TUBA8: variants seen among roughly 807,000 people sequenced by gnomAD.
The protein encoded by TUBA8 is tubulin alpha-8 chain.
A neutral mutation model predicts 34.7 loss-of-function variants in TUBA8; 29 were observed. That is an observed-to-expected ratio of 0.84 (90% CI 0.62 to 1.14). TUBA8 has a LOEUF of 1.14. Ranked by LOEUF, TUBA8 falls within the 50% of genes most tolerant of loss-of-function variation. The probability of loss-of-function intolerance (pLI) is 0.00; values close to 1 mark genes in which losing one functional copy is unlikely to be tolerated. For synonymous variants in TUBA8, 226 were observed against 231.2 expected, an observed-to-expected ratio of 0.98 and a Z score of 0.21; for missense variants, 541 against 599.2, an observed-to-expected ratio of 0.90 and a Z score of 1.01.
chr22:18,130,799 C>A (rs761875168), intron 4 of TUBA8, 44 bp from the exon 5 acceptor site: 2 of 1,612,034 alleles, frequency 1.2e-6, no homozygotes, highest in Admixed American at 3.3e-5. Flanking sequence ...CTCTGGCTGA[C>A]TTGTATCTTC....
Position 18,126,885 on chromosome 22 carries a change from G to T in TUBA8, c.907G>T (p.Val303Leu). 6.2e-7 allele frequency: 1 copy of T among 1,611,844 alleles called. No individual in the cohort carries two copies. Among genetic ancestry groups the T allele is most frequent in the Non-Finnish European group, 8.5e-7 (1 of 1,178,702 alleles). ...CTGCTTTGAGCCCAACAGCCAGATG[G>T]TGAAGTGCGACCCGAGACATGGCAA... is the stretch of plus-strand genomic sequence containing the variant. ...SSCFEPNSQM[V>L]KCDPRHGKYM... is the part of the protein sequence containing the mutation. The change falls in exon 4 of 5, where the codon GTG becomes TTG. Residue 303 changes from valine (V) to leucine (L), a missense_variant. By Grantham distance (32) the Val-to-Leu change is conservative. Coordinates refer to ENST00000330423, the MANE Select transcript of TUBA8 (RefSeq NM_018943.3). This position sits in a 1 kb window ranked among gnomAD's most constrained non-coding sequence, Gnocchi z 4.0.
chr22:18,123,771 C>G lies in TUBA8; in HGVS notation c.227-385C>G, dbSNP rs562499829. ...TTGTATTTTAGTAGAGATGGGGTTT[C>G]ACCGTGTTGCCCAGGCTGGTCTTGA... On this transcript the variant is annotated intron_variant, in intron 2 of 4. Coordinates refer to ENST00000330423, the MANE Select transcript of TUBA8 (RefSeq NM_018943.3). 10 of 275,422 alleles carry G rather than the reference C, an allele frequency of 3.6e-5. No homozygotes were observed. The South Asian group carries it at 3.7e-4, about 10-fold the overall frequency. 17.1% of individuals were successfully genotyped at this position (275,422 alleles called of 1,614,324 possible). A position where few individuals can be genotyped will look rare whatever the true frequency, so the allele number is the denominator to read the frequency against.
rs1018180372 is a variant in TUBA8 at position 18,119,624 on chromosome 22, G to C, written c.4-1855G>C. 1.3e-5 allele frequency: 2 copies of C among 152,340 alleles called. No individual in the cohort carries two copies. The highest frequency in any genetic ancestry group is 2.9e-5 in the Non-Finnish European group (2 of 68,168). The allele number at this position is 152,340 out of a possible 1,614,324, so 9.4% of individuals were successfully genotyped here. A position where few individuals can be genotyped will look rare whatever the true frequency, so the allele number is the denominator to read the frequency against. The stretch of plus-strand genomic sequence containing the variant: ...TGCGACCCCCGTCGGGCTGCCCCAC[G>C]CTCACCCCTGTGCTCATCCTCCCTC... On this transcript the variant is annotated intron_variant, in intron 1 of 4. Coordinates refer to ENST00000330423, the MANE Select transcript of TUBA8 (RefSeq NM_018943.3). The surrounding 1 kb of genome is among the most constrained non-coding windows in gnomAD (Gnocchi z 5.9).
rs1465140784 is a variant in TUBA8, at chr22:18,111,915, C to T, written c.3+1047C>T. The T allele has an allele frequency of 6.6e-6, 1 of 152,216 alleles. No homozygotes were observed. The highest frequency in any genetic ancestry group is 2.4e-5 in the African/African-American group (1 of 41,436). The allele number at this position is 152,216 out of a possible 1,614,324, so 9.4% of individuals were successfully genotyped here. ...CCCGTGCCCAGGGCCTCCTGGCTCC[C>T]CCGGAGCTCTAGCCTTCCAGCTTCA... On this transcript the variant is annotated intron_variant, in intron 1 of 4. Coordinates refer to ENST00000330423, the MANE Select transcript of TUBA8 (RefSeq NM_018943.3). This position sits in a 1 kb window ranked among gnomAD's most constrained non-coding sequence, Gnocchi z 5.1.
chr22:18,115,132 G>A (rs1444633876), intron 1 of TUBA8: 1 of 152,286 alleles, frequency 6.6e-6, no homozygotes, highest in Non-Finnish European at 1.5e-5. Flanking sequence ...GTGTTCACAG[G>A]TGGCCCAGAT....
chr22:18,111,066 A>G lies in TUBA8; in HGVS notation c.3+198A>G, dbSNP rs1295973979. ...GCCCTTTATCGTATGGGGGAAATAG[A>G]GACCAGGGGCCAGTTGTTCCTTAAA... is the stretch of plus-strand genomic sequence containing the variant. On this transcript the variant is annotated intron_variant, in intron 1 of 4. Coordinates refer to ENST00000330423, the MANE Select transcript of TUBA8 (RefSeq NM_018943.3). The surrounding 1 kb of genome is among the most constrained non-coding windows in gnomAD (Gnocchi z 5.1). 6 of 744,180 alleles carry G rather than the reference A, an allele frequency of 8.1e-6. No homozygotes were observed. Among genetic ancestry groups the G allele is most frequent in the Non-Finnish European group, 1.1e-5 (5 of 454,248 alleles). The allele number at this position is 744,180 out of a possible 1,614,324, so 46.1% of individuals were successfully genotyped here. A position where few individuals can be genotyped will look rare whatever the true frequency, so the allele number is the denominator to read the frequency against.
chr22:18,110,811 C>A lies in TUBA8; in HGVS notation c.-55C>A. On this transcript the variant is annotated 5_prime_UTR_variant, in exon 1 of 5. Transcript: ENST00000330423. The surrounding 1 kb of genome is among the most constrained non-coding windows in gnomAD (Gnocchi z 6.2). The stretch of plus-strand genomic sequence containing the variant: ...ACGGCGGAGGCGGCTGTATCTGGAG[C>A]AGTCGGGGCGGGCAGGCCCAGCTGA... 1 of 1,536,520 alleles carries A rather than the reference C, an allele frequency of 6.5e-7. No individual in the cohort carries two copies. The highest frequency in any genetic ancestry group is 1.4e-5 in the African/African-American group (1 of 73,234).
chr22:18,118,318 CG>C lies in TUBA8; in HGVS notation c.4-3157del, dbSNP rs1569198281. The C allele has an allele frequency of 6.6e-6, 1 of 152,202 alleles. No individual in the cohort carries two copies. The highest frequency in any genetic ancestry group is 2.4e-5 in the African/African-American group (1 of 41,452). The allele number at this position is 152,202 out of a possible 1,614,324, so 9.4% of individuals were successfully genotyped here. ...AGAAAAAAGAGCCTTCTCTAACTAA[CG>C]GGGCTGTCTGGATAGGGACAAATGA... On this transcript the variant is annotated intron_variant, in intron 1 of 4. Transcript: ENST00000330423. The surrounding 1 kb of genome is among the most constrained non-coding windows in gnomAD (Gnocchi z 4.0).
At position 18,121,449 on chromosome 22, in the gene TUBA8, T is replaced by C. The variant is rs552994840; in HGVS notation, c.4-30T>C. 1 of 1,602,386 alleles carries C rather than the reference T, an allele frequency of 6.2e-7. No homozygotes were observed. The highest frequency in any genetic ancestry group is 1.7e-5 in the Admixed American group (1 of 60,006). ...AAAGGCATGCTGGGGGCCCAGACTCTCTGACCTCGTTGCTTCCCTCTCCCC... is the reference window on the plus strand; with the variant it reads ...AAAGGCATGCTGGGGGCCCAGACTCCCTGACCTCGTTGCTTCCCTCTCCCC... On this transcript the variant is annotated intron_variant, in intron 1 of 4. Coordinates refer to ENST00000330423, the MANE Select transcript of TUBA8 (RefSeq NM_018943.3). The surrounding 1 kb of genome is among the most constrained non-coding windows in gnomAD (Gnocchi z 4.8).
At chr22:18,128,995 A>G (rs561770875) in intron 4 of TUBA8, 1 of 152,272 alleles carries the variant, frequency 6.6e-6, no homozygotes, top group Non-Finnish European at 1.5e-5. Context: ...TGCTGGCCTC[A>G]TAGCTGCCCT....
rs776058291 is a variant in TUBA8, at chr22:18,126,601, C to A, written c.623C>A (p.Ala208Asp). Residue 208 changes from alanine to aspartate, a missense_variant, in exon 4 of 5, where the codon GCC becomes GAC. Ala to Asp is a moderately radical substitution (Grantham distance 126). Transcript: ENST00000330423. This position sits in a 1 kb window ranked among gnomAD's most constrained non-coding sequence, Gnocchi z 4.0. The stretch of plus-strand genomic sequence containing the variant: ...TGTGCTTTCATGGTGGACAACGAAG[C>A]CATCTATGACATCTGCCGCAGGAAC... ...SDCAFMVDNE[A>D]IYDICRRNLD... is the part of the protein sequence containing the mutation. 1 of 1,614,146 alleles carries A rather than the reference C, an allele frequency of 6.2e-7. No homozygotes were observed. Among genetic ancestry groups the A allele is most frequent in the South Asian group, 1.1e-5 (1 of 91,076 alleles).
rs187529678 is a variant in TUBA8, at chr22:18,128,263, C to T, written c.1056+1229C>T. ...CAGGAGTAAGCAAAAACCAGCAAGC[C>T]GTGTGGCTGGTGGTAACCAAGTGCC... On this transcript the variant is annotated intron_variant, in intron 4 of 4. Coordinates refer to ENST00000330423, the MANE Select transcript of TUBA8 (RefSeq NM_018943.3). 2.0e-5 allele frequency: 3 copies of T among 152,246 alleles called. No homozygotes were observed. The East Asian group carries it at 5.8e-4, about 29-fold the overall frequency. 9.4% of individuals were successfully genotyped at this position (152,246 alleles called of 1,614,324 possible).
At position 18,121,655 on chromosome 22, in the gene TUBA8, G is replaced by A; in HGVS notation, c.180G>A (p.Lys60=). The part of the protein sequence containing the change: ...TTFFSETGNG[K]HVPRAVMIDL... ...TTTTCAGCGAGACTGGCAATGGGAA[G>A]CATGTGCCCCGGGCCGTCATGATAG... The change falls in exon 2 of 5, where the codon AAG becomes AAA. Residue 60 remains lysine, a synonymous_variant. Transcript: ENST00000330423. This position sits in a 1 kb window ranked among gnomAD's most constrained non-coding sequence, Gnocchi z 4.8. The A allele has an allele frequency of 6.2e-7, 1 of 1,614,234 alleles. No homozygotes were observed. The highest frequency in any genetic ancestry group is 8.5e-7 in the Non-Finnish European group (1 of 1,180,044).
rs567090235 is a variant in TUBA8, at chr22:18,126,937, G to A, written c.959G>A (p.Arg320Gln). The change falls in exon 4 of 5, where the codon CGG becomes CAG. Residue 320 changes from arginine to glutamine, a missense_variant. Arg to Gln is a conservative substitution (Grantham distance 43, BLOSUM62 1). Transcript: ENST00000330423. This position sits in a 1 kb window ranked among gnomAD's most constrained non-coding sequence, Gnocchi z 4.0. ...TACATGGCCTGCTGCATGCTCTACC[G>A]GGGCGACGTGGTGCCCAAGGATGTG... ...GKYMACCMLY[R>Q]GDVVPKDVNV... 22 of 1,612,908 alleles carry A rather than the reference G, an allele frequency of 1.4e-5. No homozygotes were observed. Among genetic ancestry groups the A allele is most frequent in the South Asian group, 5.5e-5 (5 of 90,906 alleles).
rs1928316008 is a variant in TUBA8, at chr22:18,126,346, C to T, written c.376-8C>T. 6.2e-7 allele frequency: 1 copy of T among 1,614,052 alleles called. No homozygotes were observed. On this transcript the variant is annotated splice_polypyrimidine_tract_variant and splice_region_variant and intron_variant, in intron 3 of 4. Coordinates refer to ENST00000330423, the MANE Select transcript of TUBA8 (RefSeq NM_018943.3). The surrounding 1 kb of genome is among the most constrained non-coding windows in gnomAD (Gnocchi z 4.0). The stretch of plus-strand genomic sequence containing the variant: ...TCATGATTTCTTCTCATGTCCTGCT[C>T]TCCCTAGACAGATGCTTGCTCTGGC...
intron 2 of TUBA8, chr22:18,123,102 C>T (rs1329785635): frequency 2.7e-5 from 3 of 110,146 alleles, no homozygotes; most frequent in African/African-American, 1.3e-4. Flanking sequence ...AGAGCGAGAC[C>T]CCGTCTCCAA....
Position 18,121,651 on chromosome 22 carries a change from G to A in TUBA8, c.176G>A (p.Gly59Glu). ...FTTFFSETGNGKHVPRAVMID... is the reference protein window; with the variant it reads ...FTTFFSETGNEKHVPRAVMID... ...ACCTTTTTCAGCGAGACTGGCAATG[G>A]GAAGCATGTGCCCCGGGCCGTCATG... Residue 59 changes from glycine to glutamate, a missense_variant, in exon 2 of 5, where the codon GGG becomes GAG. Physicochemically the swap from Gly to Glu is moderately conservative, Grantham distance 98. Coordinates refer to ENST00000330423, the MANE Select transcript of TUBA8 (RefSeq NM_018943.3). The surrounding 1 kb of genome is among the most constrained non-coding windows in gnomAD (Gnocchi z 4.8). 6.2e-7 allele frequency: 1 copy of A among 1,614,218 alleles called. No homozygotes were observed. Among genetic ancestry groups the A allele is most frequent in the African/African-American group, 1.3e-5 (1 of 75,058 alleles).
chr22:18,130,706 T>C, intron 4 of TUBA8, 137 bp from the exon 5 acceptor site: 5 of 1,122,390 alleles, frequency 4.5e-6, no homozygotes, highest in Non-Finnish European at 6.4e-6. Context: ...TCCCGCCTGT[T>C]GCATCCCATA....
chr22:18,110,880 C>A lies in TUBA8; in HGVS notation c.3+12C>A. Reference sequence around the variant, plus strand: ...CAGCGGCAGCGATGGTGAGGCTTCCCGGGGCCAGGCGGGCTGCGGGCGCGC... The same window carrying A: ...CAGCGGCAGCGATGGTGAGGCTTCCAGGGGCCAGGCGGGCTGCGGGCGCGC... On this transcript the variant is annotated intron_variant, in intron 1 of 4. Coordinates refer to ENST00000330423, the MANE Select transcript of TUBA8 (RefSeq NM_018943.3). The surrounding 1 kb of genome is among the most constrained non-coding windows in gnomAD (Gnocchi z 6.2). 1.3e-6 allele frequency: 2 copies of A among 1,546,474 alleles called. No homozygotes were observed. The highest frequency in any genetic ancestry group is 4.7e-5 in the East Asian group (2 of 42,126).
Sources: allele counts gnomAD v4.1 joint callset, GRCh38; gene constraint gnomAD v4.1.1; non-coding constraint Gnocchi (gnomAD v3.1); transcripts MANE v1.5; gene names NCBI Gene and HGNC (gene_info 2026-07-23, HGNC 2026-07-21).